Variants in FBXL17 observed in about 807,000 individuals in gnomAD.
FBXL17 encodes the protein F-box/LRR-repeat protein 17.
A neutral mutation model predicts 66.2 loss-of-function variants in FBXL17; 22 were observed. That is an observed-to-expected ratio of 0.33 (90% CI 0.24 to 0.47). The LOEUF is 0.47. Ranked by LOEUF, FBXL17 falls within the 20% of genes least tolerant of loss-of-function variation. FBXL17 has a pLI of 1.00. For missense variants in FBXL17, 878 were observed against 948.2 expected, an observed-to-expected ratio of 0.93 and a Z score of 0.97; for synonymous variants, 474 against 400.5, an observed-to-expected ratio of 1.18 and a Z score of -2.19.
chr5:107,954,614 A>G (rs1172446457), intron 7 of FBXL17, among the ~76,000 whole-genome samples: 1 of 152,052 alleles, frequency 6.6e-6, no homozygotes, highest in East Asian at 1.9e-4. Context: ...CTTTTTAAAA[A>G]CCCTCCTAAT....
At chr5:108,276,627 G>A (rs1273972225) in intron 4 of FBXL17, among the ~76,000 whole-genome samples, 1 of 152,014 alleles carries the variant, frequency 6.6e-6, no homozygotes, top group Non-Finnish European at 1.5e-5. Context: ...AAAAAAAGAC[G>A]TCTAACAAAC....
At chr5:108,068,453 T>C in intron 6 of FBXL17, among the ~76,000 whole-genome samples, 1 of 60,606 alleles carries the variant, frequency 1.7e-5, no homozygotes, top group East Asian at 9.5e-4. Context: ...TTTTTTTTCT[T>C]TTTTTGGGGG....
intron 7 of FBXL17, among the ~76,000 whole-genome samples, chr5:107,933,638 C>G (rs1229582701): frequency 6.6e-6 from 1 of 152,078 alleles, no homozygotes; most frequent in African/African-American, 2.4e-5. Context: ...CACAGAAATG[C>G]ATACAATTCT....
chr5:108,298,614 T>A (rs900232846), intron 4 of FBXL17: 5 of 936,770 alleles, frequency 5.3e-6, no homozygotes, highest in Non-Finnish European at 6.4e-6. Flanking sequence ...ATCTTTTTTT[T>A]AATAGCAAAG....
chr5:108,121,849 G>A (rs1395140602), intron 6 of FBXL17, among the ~76,000 whole-genome samples: 4 of 151,982 alleles, frequency 2.6e-5, no homozygotes, highest in African/African-American at 7.2e-5. Context: ...GAGCCACCGC[G>A]CTCGGCCCAA....
At chr5:108,341,778 C>T (rs1314192049) in intron 4 of FBXL17, among the ~76,000 whole-genome samples, 1 of 152,124 alleles carries the variant, frequency 6.6e-6, no homozygotes, top group Non-Finnish European at 1.5e-5. Flanking sequence ...ACACTCACCA[C>T]TTATTAAGCA....
intron 7 of FBXL17, among the ~76,000 whole-genome samples, chr5:107,916,960 A>G (rs1475922207): frequency 3.9e-5 from 6 of 152,226 alleles, no homozygotes; most frequent in Non-Finnish European, 7.3e-5. Flanking sequence ...TCGCTAAGAC[A>G]TAGCAACTTT....
chr5:108,365,772 C>T (rs945944507), intron 2 of FBXL17, among the ~76,000 whole-genome samples: 1 of 152,010 alleles, frequency 6.6e-6, no homozygotes, highest in Non-Finnish European at 1.5e-5. Flanking sequence ...GTTAGTTGAA[C>T]TGAATTGTTG....
intron 7 of FBXL17, among the ~76,000 whole-genome samples, chr5:108,014,776 G>T (rs1754316670): frequency 6.6e-6 from 1 of 152,028 alleles, no homozygotes; most frequent in Non-Finnish European, 1.5e-5. Context: ...CCCATACTAG[G>T]TAATTTATAA....
rs192828809 is a variant in FBXL17, at chr5:108,038,768, T to C, written c.1746-17767A>G. 2.5e-3 allele frequency among the ~76,000 whole-genome samples: 388 copies of C among 152,174 alleles called. 1 individual carries two copies. The highest frequency in any genetic ancestry group is 9.0e-3 in the African/African-American group (372 of 41,562). On this transcript the variant is annotated intron_variant, in intron 6 of 8. Coordinates refer to ENST00000542267, the MANE Select transcript of FBXL17 (RefSeq NM_001163315.3). ...TTTGAATTAGATGTGAGTGAGATAA[T>C]TGTAAAAATTTAGAGAATGTAAAAG...
chr5:107,907,693 A>C (rs568665311), intron 7 of FBXL17, among the ~76,000 whole-genome samples: 438 of 152,302 alleles, frequency 2.9e-3, no homozygotes, highest in Non-Finnish European at 5.1e-3. Flanking sequence ...CACATGACAA[A>C]ATGCTCACCA....
intron 5 of FBXL17, among the ~76,000 whole-genome samples, chr5:108,195,965 C>T (rs1017248273): frequency 9.2e-5 from 14 of 151,912 alleles, no homozygotes; most frequent in Admixed American, 8.5e-4. Flanking sequence ...CTTGAGATGC[C>T]TAGATAACCA....
chr5:108,148,942 G>A (rs1751664928), intron 6 of FBXL17, among the ~76,000 whole-genome samples: 1 of 152,180 alleles, frequency 6.6e-6, no homozygotes, highest in Non-Finnish European at 1.5e-5. Context: ...TTAACTACAT[G>A]TCAGTCCTGT....
At chr5:108,215,274 G>A (rs1208669975) in intron 5 of FBXL17, among the ~76,000 whole-genome samples, 4 of 152,162 alleles carry the variant, frequency 2.6e-5, no homozygotes, top group Non-Finnish European at 5.9e-5. Flanking sequence ...TTAAACTTGT[G>A]AGGAACTGCC....
chr5:108,345,408 A>G (rs1335383691), intron 4 of FBXL17, among the ~76,000 whole-genome samples: 1 of 151,792 alleles, frequency 6.6e-6, no homozygotes, highest in Non-Finnish European at 1.5e-5. Context: ...TAACTCATTT[A>G]TGGCAAATCA....
intron 4 of FBXL17, among the ~76,000 whole-genome samples, chr5:108,341,701 T>C (rs1404250030): frequency 6.6e-6 from 1 of 152,136 alleles, no homozygotes; most frequent in Non-Finnish European, 1.5e-5. Flanking sequence ...CCTGGTCCTT[T>C]CTTTCTTTTC....
intron 6 of FBXL17, among the ~76,000 whole-genome samples, chr5:108,080,392 C>G (rs1414196824): frequency 6.6e-6 from 1 of 152,214 alleles, no homozygotes; most frequent in Non-Finnish European, 1.5e-5. Context: ...TTACATTTCC[C>G]ATCTTGTTCA....
intron 4 of FBXL17, among the ~76,000 whole-genome samples, chr5:108,251,215 G>A (rs935302532): frequency 2.5e-4 from 38 of 152,062 alleles, no homozygotes; most frequent in African/African-American, 8.9e-4. Context: ...TGAAAAGAGT[G>A]TCCCTTGCTT....
At chr5:108,171,463 AG>A (rs1259206828) in intron 6 of FBXL17, among the ~76,000 whole-genome samples, 1 of 152,210 alleles carries the variant, frequency 6.6e-6, no homozygotes, top group African/African-American at 2.4e-5. Flanking sequence ...TCTATAAAAC[AG>A]GGCATAATGA....
Sources: allele counts gnomAD v4.1 joint callset (sites outside exome capture counted in the v4.1 genomes callset), GRCh38; gene constraint gnomAD v4.1.1; transcripts MANE v1.5; gene names NCBI Gene and HGNC (gene_info 2026-07-23, HGNC 2026-07-21).